ENTREP2: variants seen among roughly 807,000 people sequenced by gnomAD.
The protein encoded by ENTREP2 is protein ENTREP2.
the ENTREP2 span, among the ~76,000 whole-genome samples, chr15:29,278,112 A>T: frequency 6.6e-6 from 1 of 151,802 alleles, no homozygotes; most frequent in African/African-American, 2.4e-5. Context: ...CGCCTCTCTG[A>T]TCCCACCCCC....
the ENTREP2 span, among the ~76,000 whole-genome samples, chr15:29,422,656 C>A: frequency 6.6e-6 from 1 of 152,178 alleles, no homozygotes; most frequent in Non-Finnish European, 1.5e-5. Context: ...CCACCCTCTA[C>A]CATCTCACCT....
the ENTREP2 span, among the ~76,000 whole-genome samples, chr15:29,204,961 A>C: frequency 0.38 from 58,415 of 151,774 alleles, 11,524 homozygotes; most frequent in East Asian, 0.55. Context: ...AAACTCTGTC[A>C]CCACTAAACA....
chr15:29,592,307 A>G, the ENTREP2 span, among the ~76,000 whole-genome samples: 1 of 152,228 alleles, frequency 6.6e-6, no homozygotes, highest in Non-Finnish European at 1.5e-5. Context: ...GGAAGGAGAC[A>G]AGGGGCCTGT....
chr15:29,668,513 G>A, the ENTREP2 span, among the ~76,000 whole-genome samples: 699 of 152,208 alleles, frequency 4.6e-3, 4 homozygotes, highest in African/African-American at 0.016. Context: ...CCACTCAAAC[G>A]CCCGTCAACT....
the ENTREP2 span, among the ~76,000 whole-genome samples, chr15:29,533,770 C>A: frequency 2.6e-5 from 4 of 152,046 alleles, no homozygotes; most frequent in South Asian, 4.2e-4. Flanking sequence ...GGCATTTCTC[C>A]CCTGTAGAAA....
the ENTREP2 span, among the ~76,000 whole-genome samples, chr15:29,139,329 G>A: frequency 2.6e-4 from 40 of 152,200 alleles, 1 homozygote; most frequent in African/African-American, 7.5e-4. Flanking sequence ...TTAATTGTCC[G>A]AAACAGAGGT....
chr15:29,397,138 C>T, the ENTREP2 span, among the ~76,000 whole-genome samples: 1 of 152,168 alleles, frequency 6.6e-6, no homozygotes, highest in Non-Finnish European at 1.5e-5. Flanking sequence ...CACCTGTAAT[C>T]TCAACACTTT....
the ENTREP2 span, among the ~76,000 whole-genome samples, chr15:29,132,953 C>T: frequency 1.3e-5 from 2 of 152,150 alleles, no homozygotes; most frequent in African/African-American, 2.4e-5. Context: ...TGAGCAGAGG[C>T]GGTGAAGGGG....
At chr15:29,339,844 A>C in the ENTREP2 span, among the ~76,000 whole-genome samples, 11 of 152,374 alleles carry the variant, frequency 7.2e-5, no homozygotes, top group Admixed American at 1.3e-4. Context: ...ACGTGGGTGA[A>C]GGTGCTGCCC....
the ENTREP2 span, among the ~76,000 whole-genome samples, chr15:29,517,117 T>TA: frequency 6.6e-6 from 1 of 152,064 alleles, no homozygotes; most frequent in Non-Finnish European, 1.5e-5. Flanking sequence ...TCTGAGCACT[T>TA]AAACATAAGA....
At chr15:29,138,401 C>T in the ENTREP2 span, among the ~76,000 whole-genome samples, 1 of 152,204 alleles carries the variant, frequency 6.6e-6, no homozygotes, top group African/African-American at 2.4e-5. Context: ...ATTGCTCCAG[C>T]TCCAGTCAAT....
chr15:29,151,830 G>C, the ENTREP2 span: 1 of 1,551,192 alleles, frequency 6.4e-7, no homozygotes, highest in South Asian at 1.2e-5. Context: ...CACACACGCT[G>C]AAGAGGAGAT....
chr15:29,666,294 A>C, the ENTREP2 span, among the ~76,000 whole-genome samples: 1 of 152,114 alleles, frequency 6.6e-6, no homozygotes, highest in Non-Finnish European at 1.5e-5. Context: ...TGTCACCAGC[A>C]GCTCAGGCCA....
At chr15:29,439,284 T>TACACACAC in the ENTREP2 span, among the ~76,000 whole-genome samples, 704 of 97,058 alleles carry the variant, frequency 7.3e-3, 3 homozygotes, top group Admixed American at 8.1e-3. Context: ...AAATTGGAAT[T>TACACACAC]ACACACACAC....
chr15:29,299,129 T>C, the ENTREP2 span, among the ~76,000 whole-genome samples: 1 of 152,246 alleles, frequency 6.6e-6, no homozygotes, highest in Non-Finnish European at 1.5e-5. Flanking sequence ...TTTATGATTA[T>C]GTGACAGATG....
chr15:29,422,025 TG>T, the ENTREP2 span, among the ~76,000 whole-genome samples: 1 of 152,124 alleles, frequency 6.6e-6, no homozygotes, highest in Non-Finnish European at 1.5e-5. Flanking sequence ...CCCAGCACTT[TG>T]GGAGGCCGAA....
At chr15:29,249,911 A>C in the ENTREP2 span, among the ~76,000 whole-genome samples, 4 of 152,184 alleles carry the variant, frequency 2.6e-5, no homozygotes, top group South Asian at 6.2e-4. Flanking sequence ...CCAGAGAGAA[A>C]GCAAGGAAGG....
At chr15:29,601,831 T>C in the ENTREP2 span, among the ~76,000 whole-genome samples, 1 of 152,202 alleles carries the variant, frequency 6.6e-6, no homozygotes, top group African/African-American at 2.4e-5. Flanking sequence ...TTGAATGACA[T>C]ATGCACAATG....
chr15:29,497,262 G>A, the ENTREP2 span, among the ~76,000 whole-genome samples: 2 of 152,068 alleles, frequency 1.3e-5, no homozygotes, highest in Non-Finnish European at 2.9e-5. Flanking sequence ...CCAAGTCTGT[G>A]GTATTTTGTT....
Sources: gnomAD v4.1 joint callset for allele counts (sites outside exome capture counted in the v4.1 genomes callset) on GRCh38, gnomAD v4.1.1 for gene constraint, MANE v1.5 for transcripts, NCBI Gene and HGNC (gene_info 2026-07-23, HGNC 2026-07-21) for gene names.